Variants in FGF14 observed in about 807,000 individuals in gnomAD.
FGF14 encodes fibroblast growth factor homologous factor 4.
In FGF14, 5 loss-of-function variants were observed where a neutral mutation model predicts 25.5. That is an observed-to-expected ratio of 0.20 (90% CI 0.10 to 0.41). The LOEUF (loss-of-function observed/expected upper bound fraction) is 0.41, where lower values mean the gene tolerates loss of function less well. FGF14 is among the 10% of genes least tolerant of loss of function. The pLI, the probability that FGF14 is intolerant of heterozygous loss-of-function variation, is 1.00. For synonymous variants in FGF14, 138 were observed against 118.3 expected, an observed-to-expected ratio of 1.17 and a Z score of -1.08; for missense variants, 222 against 320.1, an observed-to-expected ratio of 0.69 and a Z score of 2.34.
chr13:101,904,609 T>C (rs1235992206), intron 1 of FGF14, among the ~76,000 whole-genome samples: 5 of 152,216 alleles, frequency 3.3e-5, no homozygotes, highest in African/African-American at 1.2e-4. Flanking sequence ...ACTACTACCA[T>C]AGGGCAAAAG....
intron 4 of FGF14, among the ~76,000 whole-genome samples, chr13:101,725,205 T>C (rs2035331625): frequency 6.6e-6 from 1 of 152,118 alleles, no homozygotes; most frequent in Admixed American, 6.6e-5. Context: ...TAATTTTTTA[T>C]TTGCATTTAA....
chr13:102,268,040 A>T (rs2053074977), intron 1 of FGF14, among the ~76,000 whole-genome samples: 1 of 152,182 alleles, frequency 6.6e-6, no homozygotes, highest in Admixed American at 6.6e-5. Flanking sequence ...AGACATCAGA[A>T]TAGGACCACA....
intron 1 of FGF14, among the ~76,000 whole-genome samples, chr13:102,001,865 A>G (rs1395655702): frequency 6.6e-6 from 1 of 152,212 alleles, no homozygotes; most frequent in East Asian, 1.9e-4. Context: ...CAAGGGAGGT[A>G]TGCTGTGTCC....
intron 1 of FGF14, among the ~76,000 whole-genome samples, chr13:102,207,504 G>A (rs1476705933): frequency 6.6e-6 from 1 of 150,876 alleles, no homozygotes; most frequent in Non-Finnish European, 1.5e-5. Flanking sequence ...AAACAAATGA[G>A]GGGGAGAGTC....
chr13:102,318,011 T>C (rs1206877667), intron 1 of FGF14, among the ~76,000 whole-genome samples: 1 of 152,204 alleles, frequency 6.6e-6, no homozygotes, highest in Non-Finnish European at 1.5e-5. Context: ...TTTTTAATTT[T>C]TGTTTGCTTA....
intron 3 of FGF14, among the ~76,000 whole-genome samples, chr13:101,792,261 G>A (rs2040279575): frequency 6.6e-6 from 1 of 152,082 alleles, no homozygotes; most frequent in Non-Finnish European, 1.5e-5. Context: ...TTAGATTTGA[G>A]GAAAAGAGCT....
intron 1 of FGF14, among the ~76,000 whole-genome samples, chr13:102,395,981 A>T (rs1218446458): frequency 1.3e-5 from 2 of 152,224 alleles, no homozygotes; most frequent in Non-Finnish European, 2.9e-5. Context: ...ACACAGGGAA[A>T]ACATCAGGAC....
chr13:101,824,183 T>G (rs1251751787), intron 3 of FGF14, among the ~76,000 whole-genome samples: 3 of 152,190 alleles, frequency 2.0e-5, no homozygotes, highest in Admixed American at 6.5e-5. Flanking sequence ...ATTACTTTCT[T>G]TTTTTCTTCA....
At chr13:102,305,340 TA>T (rs1238815240) in intron 1 of FGF14, among the ~76,000 whole-genome samples, 11 of 151,522 alleles carry the variant, frequency 7.3e-5, no homozygotes, top group South Asian at 6.2e-4. Flanking sequence ...CTCTGAACTT[TA>T]AAAAAAAATT....
intron 1 of FGF14, among the ~76,000 whole-genome samples, chr13:102,173,746 A>C (rs1304950675): frequency 6.6e-6 from 1 of 152,166 alleles, no homozygotes; most frequent in Non-Finnish European, 1.5e-5. Flanking sequence ...GCATGATTTC[A>C]CTTTGATGAG....
chr13:102,281,521 C>G (rs966333741), intron 1 of FGF14, among the ~76,000 whole-genome samples: 1 of 152,060 alleles, frequency 6.6e-6, no homozygotes, highest in Non-Finnish European at 1.5e-5. Flanking sequence ...TCTACTCCAC[C>G]ATGGTCACCA....
At chr13:102,196,191 G>A (rs569575837) in intron 1 of FGF14, among the ~76,000 whole-genome samples, 112 of 152,298 alleles carry the variant, frequency 7.4e-4, no homozygotes, top group Non-Finnish European at 1.0e-3. Context: ...CGTGACAATC[G>A]TCTAGACAAG....
At chr13:102,180,759 A>G (rs1201697527) in intron 1 of FGF14, among the ~76,000 whole-genome samples, 2 of 152,194 alleles carry the variant, frequency 1.3e-5, no homozygotes, top group Non-Finnish European at 2.9e-5. Context: ...TAGGCTGTAC[A>G]TATTACCCTG....
intron 3 of FGF14, among the ~76,000 whole-genome samples, chr13:101,759,289 G>A (rs1324503677): frequency 6.6e-6 from 1 of 152,118 alleles, no homozygotes; most frequent in Non-Finnish European, 1.5e-5. Context: ...TTGAGGGGGT[G>A]AGGCACATAT....
intron 3 of FGF14, among the ~76,000 whole-genome samples, chr13:101,744,153 A>G (rs2036733245): frequency 6.6e-6 from 1 of 152,112 alleles, no homozygotes. Flanking sequence ...AGGAATATAA[A>G]CTTCTGCCTT....
intron 1 of FGF14, among the ~76,000 whole-genome samples, chr13:101,946,888 GT>G (rs1461940788): frequency 9.9e-5 from 15 of 152,074 alleles, no homozygotes; most frequent in Admixed American, 4.6e-4. Context: ...GATTTTAATA[GT>G]TTTTATAATA....
intron 1 of FGF14, among the ~76,000 whole-genome samples, chr13:101,916,213 G>A (rs552930242): frequency 3.3e-5 from 5 of 152,372 alleles, no homozygotes; most frequent in Non-Finnish European, 5.9e-5. Flanking sequence ...GACGCGGAGG[G>A]CAGGAGCCGC....
intron 1 of FGF14, among the ~76,000 whole-genome samples, chr13:101,906,873 C>A (rs1050773289): frequency 6.6e-6 from 1 of 152,046 alleles, no homozygotes; most frequent in African/African-American, 2.4e-5. Context: ...ATACTTGAAA[C>A]CCTTAGGTGT....
intron 1 of FGF14, among the ~76,000 whole-genome samples, chr13:101,891,452 T>C (rs2046262383): frequency 6.6e-6 from 1 of 152,198 alleles, no homozygotes; most frequent in African/African-American, 2.4e-5. Flanking sequence ...CTTCTCTTTC[T>C]GGTCCTCATA....
Sources: gnomAD v4.1 joint callset for allele counts (sites outside exome capture counted in the v4.1 genomes callset) on GRCh38, gnomAD v4.1.1 for gene constraint, MANE v1.5 for transcripts, NCBI Gene and HGNC (gene_info 2026-07-23, HGNC 2026-07-21) for gene names.